PDE4D: variants seen among roughly 807,000 people sequenced by gnomAD.
PDE4D encodes the protein phosphodiesterase 4D, also known as 3',5'-cyclic-AMP phosphodiesterase 4D.
PDE4D carries 24 observed loss-of-function variants against 87.4 expected under a neutral mutation model. The ratio of observed to expected loss-of-function variants is 0.27; its 90% CI spans 0.20 to 0.39. The LOEUF (loss-of-function observed/expected upper bound fraction) is 0.39. Ranked by LOEUF, PDE4D falls within the 10% of genes least tolerant of loss-of-function variation. The pLI, the probability that PDE4D is intolerant of heterozygous loss-of-function variation, is 1.00. For synonymous variants in PDE4D, 384 were observed against 383.2 expected (o/e 1.00, Z -0.02); for missense variants, 714 against 1,041.0 (o/e 0.69, Z 4.32).
intron 1 of PDE4D, among the ~76,000 whole-genome samples, chr5:59,276,577 T>C (rs1047384394): frequency 6.6e-6 from 1 of 152,056 alleles, no homozygotes; most frequent in Non-Finnish European, 1.5e-5. Context: ...TTCAGCAGAG[T>C]GTAACAGGCA....
intron 5 of PDE4D, among the ~76,000 whole-genome samples, chr5:59,168,708 GA>G (rs923689788): frequency 9.2e-5 from 14 of 151,936 alleles, no homozygotes; most frequent in Non-Finnish European, 1.5e-4. Context: ...GAAGGAGAGA[GA>G]AAAAAAAGAA....
intron 5 of PDE4D, among the ~76,000 whole-genome samples, chr5:59,058,354 C>T (rs1175063904): frequency 6.6e-6 from 1 of 152,046 alleles, no homozygotes; most frequent in East Asian, 1.9e-4. Context: ...GTTCTCCATG[C>T]CCACCCACCC....
intron 1 of PDE4D, among the ~76,000 whole-genome samples, chr5:60,322,378 AC>A (rs1756367467): frequency 1.1e-5 from 1 of 92,288 alleles, no homozygotes; most frequent in Non-Finnish European, 2.0e-5. Context: ...ACACACACAC[AC>A]ACACACACAC....
chr5:59,978,696 G>T (rs976504119), intron 3 of PDE4D, among the ~76,000 whole-genome samples: 5 of 152,202 alleles, frequency 3.3e-5, no homozygotes, highest in Non-Finnish European at 7.3e-5. Context: ...TGGGTAAAAT[G>T]CTGTCAAACA....
At chr5:60,170,358 AAT>A (rs1415823585) in intron 2 of PDE4D, among the ~76,000 whole-genome samples, 39 of 152,140 alleles carry the variant, frequency 2.6e-4, no homozygotes, top group African/African-American at 9.1e-4. Context: ...AGATCTACAT[AAT>A]TCCAAGGATA....
chr5:60,104,705 G>C (rs981832091), intron 2 of PDE4D, among the ~76,000 whole-genome samples: 1 of 152,306 alleles, frequency 6.6e-6, no homozygotes, highest in African/African-American at 2.4e-5. Flanking sequence ...TGCGGTTCAC[G>C]AAAATCCGCT....
intron 3 of PDE4D, among the ~76,000 whole-genome samples, chr5:59,967,415 A>T (rs1428362763): frequency 2.0e-5 from 3 of 152,166 alleles, no homozygotes; most frequent in Non-Finnish European, 4.4e-5. Flanking sequence ...ACAAATCAAT[A>T]AGCAAAAAAC....
At chr5:60,363,872 G>T (rs1319591785) in intron 1 of PDE4D, among the ~76,000 whole-genome samples, 1 of 152,192 alleles carries the variant, frequency 6.6e-6, no homozygotes, top group African/African-American at 2.4e-5. Context: ...GAAAGGCAGA[G>T]GCCAGCCCGT....
intron 2 of PDE4D, among the ~76,000 whole-genome samples, chr5:59,988,885 T>C (rs558984335): frequency 1.4e-4 from 22 of 152,180 alleles, no homozygotes; most frequent in African/African-American, 5.1e-4. Flanking sequence ...TTAACTAAAA[T>C]CTAAATTTAT....
At chr5:59,924,215 A>G (rs1477697653) in intron 3 of PDE4D, among the ~76,000 whole-genome samples, 11 of 152,144 alleles carry the variant, frequency 7.2e-5, no homozygotes, top group Admixed American at 7.2e-4. Flanking sequence ...CAAAAATGAA[A>G]CACAAGCTCA....
chr5:60,282,050 C>G (rs1751960311), intron 1 of PDE4D, among the ~76,000 whole-genome samples: 1 of 151,644 alleles, frequency 6.6e-6, no homozygotes, highest in Admixed American at 6.6e-5. Flanking sequence ...GAGAGATACT[C>G]TATTTCAATA....
chr5:59,367,873 T>A (rs1359722366), intron 1 of PDE4D, among the ~76,000 whole-genome samples: 2 of 152,106 alleles, frequency 1.3e-5, no homozygotes, highest in Non-Finnish European at 2.9e-5. Context: ...GCAAGGAAAT[T>A]TTCCTTTATG....
chr5:59,249,546 G>A (rs1388137310), intron 1 of PDE4D, among the ~76,000 whole-genome samples: 1 of 152,030 alleles, frequency 6.6e-6, no homozygotes, highest in African/African-American at 2.4e-5. Context: ...GAAACAGCCT[G>A]AATATCCAAT....
At chr5:60,268,531 A>C (rs1334151317) in intron 1 of PDE4D, among the ~76,000 whole-genome samples, 5 of 152,226 alleles carry the variant, frequency 3.3e-5, no homozygotes, top group African/African-American at 4.8e-5. Flanking sequence ...AGGGCATTGC[A>C]AAGTGATCTC....
chr5:59,857,326 A>G (rs926512538), intron 1 of PDE4D, among the ~76,000 whole-genome samples: 6 of 152,130 alleles, frequency 3.9e-5, no homozygotes, highest in Admixed American at 2.6e-4. Context: ...AATCACCTTT[A>G]TCTCTTTAAC....
chr5:60,519,095 G>T (rs1343576452), intron 1 of PDE4D, among the ~76,000 whole-genome samples: 2 of 152,192 alleles, frequency 1.3e-5, no homozygotes, highest in East Asian at 3.9e-4. Context: ...TCAAAGGTGA[G>T]AGGAGAAGCA....
intron 1 of PDE4D, among the ~76,000 whole-genome samples, chr5:60,454,661 G>C (rs1313186438): frequency 6.6e-6 from 1 of 152,088 alleles, no homozygotes; most frequent in African/African-American, 2.4e-5. Context: ...GGCAGTGAGG[G>C]GAAGGAGAGC....
intron 1 of PDE4D, among the ~76,000 whole-genome samples, chr5:59,848,890 C>T (rs1217896278): frequency 6.6e-6 from 1 of 151,938 alleles, no homozygotes; most frequent in Non-Finnish European, 1.5e-5. Context: ...AATGGCAGAA[C>T]CTATTTCGTT....
intron 1 of PDE4D, among the ~76,000 whole-genome samples, chr5:60,224,598 C>G (rs1744871985): frequency 6.6e-6 from 1 of 152,016 alleles, no homozygotes; most frequent in Non-Finnish European, 1.5e-5. Flanking sequence ...CTCAGCACCT[C>G]CCCAGGTAGG....
Sources: gnomAD v4.1 joint callset for allele counts (sites outside exome capture counted in the v4.1 genomes callset) on GRCh38, gnomAD v4.1.1 for gene constraint, MANE v1.5 for transcripts, NCBI Gene and HGNC (gene_info 2026-07-23, HGNC 2026-07-21) for gene names.